Variants in CUL4A observed in about 807,000 individuals in gnomAD.
The protein encoded by CUL4A is cullin 4A, also known as cullin-4A.
In CUL4A, 16 loss-of-function variants were observed where a neutral mutation model predicts 95.5. The ratio of observed to expected loss-of-function variants is 0.17; its 90% CI spans 0.11 to 0.25. The LOEUF (loss-of-function observed/expected upper bound fraction) is 0.25. Ranked by LOEUF, CUL4A falls within the 10% of genes least tolerant of loss-of-function variation. The pLI is 1.00. For missense variants in CUL4A, 610 were observed against 937.0 expected, an observed-to-expected ratio of 0.65 and a Z score of 4.56; for synonymous variants, 380 against 353.1, an observed-to-expected ratio of 1.08 and a Z score of -0.85.
intron 19 of CUL4A, among the ~76,000 whole-genome samples, chr13:113,261,112 T>C (rs1026250951): frequency 2.6e-5 from 4 of 152,184 alleles, no homozygotes; most frequent in African/African-American, 9.7e-5. Flanking sequence ...AATAACTAAC[T>C]TACTCAGCGT....
chr13:113,238,528 A>G (rs9324225), intron 9 of CUL4A, among the ~76,000 whole-genome samples: 3,797 of 152,278 alleles, frequency 0.025, 165 homozygotes, highest in African/African-American at 0.086. Flanking sequence ...TTTAAAGAAA[A>G]TGGTAAATTA....
chr13:113,209,610 G>A, upstream of CUL4A: 1 of 1,028,490 alleles, frequency 9.7e-7, no homozygotes, highest in African/African-American at 1.7e-5. Context: ...GGCGGGGCGC[G>A]GCGGTTCCGG....
intron 2 of CUL4A, among the ~76,000 whole-genome samples, chr13:113,211,376 T>A (rs1173280223): frequency 6.6e-6 from 1 of 152,230 alleles, no homozygotes; most frequent in Admixed American, 6.5e-5. Context: ...TGTCCATGTT[T>A]GGGGTTTTTT....
intron 12 of CUL4A, among the ~76,000 whole-genome samples, 158 bp from the exon 13 acceptor site, chr13:113,244,791 G>C (rs2041814901): frequency 6.7e-6 from 1 of 150,272 alleles, no homozygotes; most frequent in African/African-American, 2.5e-5. Flanking sequence ...AGTGAGCCGA[G>C]ATCGCGCCAC....
intron 3 of CUL4A, among the ~76,000 whole-genome samples, chr13:113,225,930 A>G (rs1402315101): frequency 2.6e-5 from 4 of 152,218 alleles, no homozygotes; most frequent in African/African-American, 7.2e-5. Flanking sequence ...TCTGTTTTTA[A>G]TTTTCTGGCA....
upstream of CUL4A, chr13:113,208,678 C>T (rs1462772071): frequency 6.3e-6 from 10 of 1,580,424 alleles, no homozygotes; most frequent in Non-Finnish European, 8.6e-6. Context: ...ACGCCTCAAG[C>T]GGGCCAGCTG....
chr13:113,262,229 C>G (rs1367182981), intron 19 of CUL4A, among the ~76,000 whole-genome samples: 1 of 152,242 alleles, frequency 6.6e-6, no homozygotes, highest in Non-Finnish European at 1.5e-5. Flanking sequence ...AGTGGCTGTT[C>G]CCTCTGGGCA....
chr13:113,250,623 C>T (rs1468566792), intron 15 of CUL4A, among the ~76,000 whole-genome samples: 2 of 151,934 alleles, frequency 1.3e-5, no homozygotes, highest in Non-Finnish European at 2.9e-5. Context: ...CCAATCCAGT[C>T]CTAGGAATGA....
chr13:113,233,772 G>T, intron 6 of CUL4A, 125 bp from the exon 7 acceptor site: 1 of 693,128 alleles, frequency 1.4e-6, no homozygotes, highest in Non-Finnish European at 2.6e-6. Flanking sequence ...CGGCCGGCTG[G>T]GTGGCCACAG....
intron 18 of CUL4A, among the ~76,000 whole-genome samples, chr13:113,258,054 C>G (rs1207476999): frequency 6.6e-6 from 1 of 152,084 alleles, no homozygotes; most frequent in African/African-American, 2.4e-5. Flanking sequence ...GTCGCCCAGG[C>G]TGGAGTGCAG....
At chr13:113,209,539 G>T, upstream of CUL4A, 5 of 766,422 alleles carry the variant, frequency 6.5e-6, no homozygotes, top group Non-Finnish European at 7.9e-6. Flanking sequence ...CGAGGAGGAC[G>T]GGGCGGAGGC....
At position 113,216,807 on chromosome 13, in the gene CUL4A, C is replaced by T. The variant is rs1346909096; in HGVS notation, c.265-2138C>T. On this transcript the variant is annotated intron_variant, in intron 2 of 19. Transcript: ENST00000375440. ...TCCTGCCAGCAAGGAGTTGGCAGGG[C>T]GGGGAGAAACAAAGGCTGTCGCCTT... 5.3e-5 allele frequency among the ~76,000 whole-genome samples: 8 copies of T among 152,112 alleles called. No individual in the cohort carries two copies. In the South Asian group the frequency reaches 8.3e-4, roughly 16 times the overall value.
At chr13:113,239,742 T>TATCC (rs1422655396) in intron 10 of CUL4A, among the ~76,000 whole-genome samples, 191 bp downstream of exon 10, 2 of 152,242 alleles carry the variant, frequency 1.3e-5, no homozygotes, top group Non-Finnish European at 2.9e-5. Context: ...AATTTGCTTT[T>TATCC]TAGGATAACA....
intron 3 of CUL4A, among the ~76,000 whole-genome samples, chr13:113,223,981 CTGCTGCAGAACCCACACCACA>C (rs2041001781): frequency 1.3e-5 from 2 of 152,210 alleles, no homozygotes; most frequent in Non-Finnish European, 2.9e-5. Flanking sequence ...CCACAGGCAG[CTGCTGCAGAACCCACACCACA>C]TGCTGCAGGA....
chr13:113,254,760 G>C lies in CUL4A; in HGVS notation c.1820G>C (p.Gly607Ala), dbSNP rs142677229. ...CTCCTCATGTTCAACGAGGGAGATG[G>C]CTTCAGCTTTGAGGAGATAAAAATG... ...LVLLMFNEGD[G>A]FSFEEIKMAT... The change falls in exon 17 of 20, where the codon GGC (glycine) becomes GCC (alanine). Residue 607 changes from glycine (G) to alanine (A), a missense_variant. Physicochemically the swap from Gly to Ala is moderately conservative, Grantham distance 60. Around this residue, in one of 10 missense-constraint regions of CUL4A, gnomAD observed 72 missense variants for 93.2 expected, o/e 0.77. Coordinates refer to ENST00000375440, the MANE Select transcript of CUL4A (RefSeq NM_001008895.4). 4.6e-5 allele frequency: 75 copies of C among 1,613,494 alleles called. No homozygotes were observed. The highest frequency in any genetic ancestry group is 6.1e-5 in the Non-Finnish European group (72 of 1,179,884).
At chr13:113,215,427 T>C (rs547275506) in intron 2 of CUL4A, among the ~76,000 whole-genome samples, 2 of 149,774 alleles carry the variant, frequency 1.3e-5, no homozygotes, top group Non-Finnish European at 3.0e-5. Context: ...CATGTGGCTG[T>C]GGAGGTCGCT....
intron 18 of CUL4A, among the ~76,000 whole-genome samples, chr13:113,259,174 G>A (rs572167528): frequency 6.6e-6 from 1 of 152,056 alleles, no homozygotes; most frequent in African/African-American, 2.4e-5. Context: ...TGATCGTTTT[G>A]TCTGCACCTT....
intron 2 of CUL4A, among the ~76,000 whole-genome samples, chr13:113,214,131 T>C (rs1027771166): frequency 6.6e-6 from 1 of 152,184 alleles, no homozygotes; most frequent in Non-Finnish European, 1.5e-5. Flanking sequence ...TGGTTTCGTG[T>C]TTGGTTTTTG....
At chr13:113,258,850 C>T (rs1167118930) in intron 18 of CUL4A, among the ~76,000 whole-genome samples, 1 of 152,208 alleles carries the variant, frequency 6.6e-6, no homozygotes, top group Non-Finnish European at 1.5e-5. Context: ...CTGGCTGCAG[C>T]ATCGTTGCCA....
Sources: gnomAD v4.1 joint callset for allele counts (sites outside exome capture counted in the v4.1 genomes callset) on GRCh38, gnomAD v4.1.1 for gene constraint, gnomAD v4.1.1 regional missense constraint, MANE v1.5 for transcripts, NCBI Gene and HGNC (gene_info 2026-07-23, HGNC 2026-07-21) for gene names.